SCN4A: variants seen among roughly 807,000 people sequenced by gnomAD.
SCN4A encodes sodium voltage-gated channel alpha subunit 4.
A neutral mutation model predicts 162.0 loss-of-function variants in SCN4A; 83 were observed. That is an observed-to-expected ratio of 0.51 (90% CI 0.43 to 0.61). The LOEUF is 0.61. Among genes scored for constraint, SCN4A ranks in the 20% least tolerant of loss-of-function variants. The pLI, the probability that SCN4A is intolerant of heterozygous loss-of-function variation, is 0.00. For synonymous variants in SCN4A, 944 were observed against 985.1 expected, an observed-to-expected ratio of 0.96 and a Z score of 0.78; for missense variants, 2,196 against 2,462.5, an observed-to-expected ratio of 0.89 and a Z score of 2.29.
intron 14 of SCN4A, 30 bp from the exon 15 acceptor site, chr17:63,949,558 T>C: frequency 6.3e-7 from 1 of 1,576,186 alleles, no homozygotes; most frequent in East Asian, 2.3e-5. Context: ...ACATGACATC[T>C]GGGTCCCTGA....
chr17:63,966,346 C>A, intron 7 of SCN4A, 103 bp from the exon 8 acceptor site: 2 of 1,434,834 alleles, frequency 1.4e-6, no homozygotes, highest in East Asian at 2.4e-5. Flanking sequence ...GCCTGTGTCC[C>A]CCAAACAGAA....
rs142447231 is a variant in SCN4A at position 63,946,313 on chromosome 17, G to A, written c.3442-675C>T. On this transcript the variant is annotated intron_variant, in intron 18 of 23. Coordinates refer to ENST00000435607, the MANE Select transcript of SCN4A (RefSeq NM_000334.4). ...GGCTCCCTGGCTCTGGGGGGTCAGA[G>A]GGCCCAGCATTCGGCTGGCCTCTTG... Among the ~76,000 whole-genome samples the A allele has an allele frequency of 2.0e-4, 31 of 152,280 alleles. 1 individual carries two copies. The Middle Eastern group carries it at 0.01, about 50-fold the overall frequency.
Position 63,942,901 on chromosome 17 carries a change from G to T in SCN4A, c.4213C>A (p.Leu1405Ile). The change falls in exon 23 of 24, where the codon CTC becomes ATC. Residue 1405 changes from leucine to isoleucine, a missense_variant. By Grantham distance (5) the Leu-to-Ile change is conservative. Transcript: ENST00000435607. ...GTGAAGTAGTACTGGCGCAGGGCGA[G>T]CATCTTGAGCACGCACTCCCCTGTG... ...IFTGECVLKM[L>I]ALRQYYFTVG... 1 of 1,614,036 alleles carries T rather than the reference G, an allele frequency of 6.2e-7. No homozygotes were observed. The highest frequency in any genetic ancestry group is 8.5e-7 in the Non-Finnish European group (1 of 1,179,878).
intron 3 of SCN4A, 84 bp from the exon 4 acceptor site, chr17:63,971,934 A>T: frequency 6.9e-7 from 1 of 1,458,098 alleles, no homozygotes; most frequent in Non-Finnish European, 9.6e-7. Flanking sequence ...GAAGGGAGGG[A>T]CACAGAAATG....
At position 63,972,607 on chromosome 17, in the gene SCN4A, G is replaced by T. The variant is rs376505442; in HGVS notation, c.235C>A (p.Pro79Thr). The T allele has an allele frequency of 1.9e-6, 3 of 1,602,614 alleles. No individual in the cohort carries two copies. Among genetic ancestry groups the T allele is most frequent in the Admixed American group, 1.7e-5 (1 of 57,570 alleles). Residue 79 changes from proline (P) to threonine (T), a missense_variant, in exon 1 of 24, where the codon CCC becomes ACC. Transcript: ENST00000435607. The surrounding 1 kb of genome is among the most constrained non-coding windows in gnomAD (Gnocchi z 4.3). Reference protein sequence around the residue: ...GDPPPEVIGIPLEDLDPYYSN... With the variant: ...GDPPPEVIGITLEDLDPYYSN... ...TAGTAGGGATCCAGGTCCTCCAGGG[G>T]GATGCCGATGACCTCCGGCGGGGGG...
intron 10 of SCN4A, 101 bp downstream of exon 10, chr17:63,963,571 G>T: frequency 7.7e-7 from 1 of 1,302,566 alleles, no homozygotes; most frequent in Non-Finnish European, 1.0e-6. Context: ...GGGTAGAGGG[G>T]GCACAGGGCA....
intron 13 of SCN4A, among the ~76,000 whole-genome samples, chr17:63,953,013 C>T (rs961966858): frequency 6.6e-6 from 1 of 152,184 alleles, no homozygotes; most frequent in Admixed American, 6.5e-5. Context: ...TCAGTTTCCT[C>T]ATCTGTAAAA....
intron 18 of SCN4A, among the ~76,000 whole-genome samples, chr17:63,946,785 C>G (rs1908738560): frequency 6.6e-6 from 1 of 152,148 alleles, no homozygotes; most frequent in Non-Finnish European, 1.5e-5. Flanking sequence ...AGTCTCTGCT[C>G]CCCTCAAGTA....
intron 18 of SCN4A, among the ~76,000 whole-genome samples, chr17:63,946,461 T>TC (rs1908720895): frequency 2.6e-5 from 3 of 113,688 alleles, no homozygotes; most frequent in African/African-American, 9.6e-5. Flanking sequence ...CCATTTTTCT[T>TC]GCCCCCCCCC....
rs1199222144 is a variant in SCN4A at position 63,941,910 on chromosome 17, C to A, written c.4372G>T (p.Val1458Phe). 2 of 1,612,082 alleles carry A rather than the reference C, an allele frequency of 1.2e-6. No individual in the cohort carries two copies. Among genetic ancestry groups the A allele is most frequent in the Non-Finnish European group, 1.7e-6 (2 of 1,178,284 alleles). ...RVIRLARIGR[V>F]LRLIRGAKGI... The stretch of plus-strand genomic sequence containing the variant: ...TTGGCCCCGCGGATCAGCCGCAGGA[C>A]ACGCCCAATCCGCGCCAGGCGGATC... The change falls in exon 24 of 24, where the codon GTC (valine) becomes TTC (phenylalanine). Residue 1458 changes from valine to phenylalanine, a missense_variant. Transcript: ENST00000435607. This position sits in a 1 kb window ranked among gnomAD's most constrained non-coding sequence, Gnocchi z 6.2.
In SCN4A at chr17:63,944,918, G is replaced by A; in HGVS notation, c.3774+89C>T. On this transcript the variant is annotated intron_variant, in intron 20 of 23. Coordinates refer to ENST00000435607, the MANE Select transcript of SCN4A (RefSeq NM_000334.4). This position sits in a 1 kb window ranked among gnomAD's most constrained non-coding sequence, Gnocchi z 4.3. ...CCACCCCCAGGGCTGCCAAGTCTCG[G>A]GGACAGAACGTGCTGCCAAGTCTCC... The A allele has an allele frequency of 6.3e-7, 1 of 1,590,312 alleles. No homozygotes were observed. Among genetic ancestry groups the A allele is most frequent in the South Asian group, 1.1e-5 (1 of 88,984 alleles).
chr17:63,970,617 C>A (rs1296747323), intron 5 of SCN4A, among the ~76,000 whole-genome samples: 1 of 152,006 alleles, frequency 6.6e-6, no homozygotes, highest in African/African-American at 2.4e-5. Flanking sequence ...GAGAGCATAA[C>A]CAGGCCCAGC....
At position 63,957,469 on chromosome 17, in the gene SCN4A, A is replaced by G. The variant is rs1909107074; in HGVS notation, c.2069T>C (p.Ile690Thr). ...CCCCACTGAATTGCCAATGATCTTG[A>G]TGAGCATGTTCAGCGTTGGCCACGA... ...AKSWPTLNMLIKIIGNSVGAL... is the reference protein window; with the variant it reads ...AKSWPTLNMLTKIIGNSVGAL... Residue 690 changes from isoleucine (I) to threonine (T), a missense_variant, in exon 13 of 24, where the codon ATC (isoleucine) becomes ACC (threonine). Ile to Thr is a moderately conservative substitution (Grantham distance 89). Coordinates refer to ENST00000435607, the MANE Select transcript of SCN4A (RefSeq NM_000334.4). The G allele has an allele frequency of 6.2e-7, 1 of 1,613,984 alleles. No individual in the cohort carries two copies. The highest frequency in any genetic ancestry group is 2.2e-5 in the East Asian group (1 of 44,880).
At chr17:63,955,990 C>T (rs2144791720) in intron 13 of SCN4A, among the ~76,000 whole-genome samples, 1 of 152,340 alleles carries the variant, frequency 6.6e-6, no homozygotes, top group South Asian at 2.1e-4. Context: ...CAGGGGGCAG[C>T]TGGGCACAGC....
At chr17:63,942,680 T>G in intron 23 of SCN4A, 146 bp downstream of exon 23, 1 of 812,348 alleles carries the variant, frequency 1.2e-6, no homozygotes, top group Non-Finnish European at 1.9e-6. Flanking sequence ...TGTGCCTTTG[T>G]GCATTGAGAG....
chr17:63,951,976 G>C lies in SCN4A; in HGVS notation c.2377-76C>G, dbSNP rs894447305. 1.1e-4 allele frequency: 98 copies of C among 867,366 alleles called. No individual in the cohort carries two copies. Among genetic ancestry groups the C allele is most frequent in the Non-Finnish European group, 1.6e-4 (90 of 576,156 alleles). The allele number at this position is 867,366 out of a possible 1,614,324, so 53.7% of individuals were successfully genotyped here. A position where few individuals can be genotyped will look rare whatever the true frequency, so the allele number is the denominator to read the frequency against. ...GGTGCCACCTTCAGCCAGCACAGGG[G>C]TCCTCGGTCTACAGATCCAAACTAC... On this transcript the variant is annotated intron_variant, in intron 13 of 23. Coordinates refer to ENST00000435607, the MANE Select transcript of SCN4A (RefSeq NM_000334.4). This position sits in a 1 kb window ranked among gnomAD's most constrained non-coding sequence, Gnocchi z 4.5.
chr17:63,945,219 C>G lies in SCN4A; in HGVS notation c.3720+141G>C. 1 of 999,042 alleles carries G rather than the reference C, an allele frequency of 1.0e-6. No individual in the cohort carries two copies. The highest frequency in any genetic ancestry group is 2.2e-5 in the Admixed American group (1 of 44,684). 61.9% of individuals were successfully genotyped at this position (999,042 alleles called of 1,614,324 possible). On this transcript the variant is annotated intron_variant, in intron 19 of 23. Transcript: ENST00000435607. The surrounding 1 kb of genome is among the most constrained non-coding windows in gnomAD (Gnocchi z 4.4). The stretch of plus-strand genomic sequence containing the variant: ...AATAAAGACCAGAGAGGTCTAGACA[C>G]TGCCTGGGGATCCCACAGCATTGGA...
Position 63,963,758 on chromosome 17 carries a change from T to C in SCN4A, c.1520A>G (p.Asn507Ser), listed in dbSNP as rs201793080. The C allele has an allele frequency of 1.0e-4, 168 of 1,609,484 alleles. No homozygotes were observed. In the African/African-American group the frequency reaches 1.7e-3, roughly 16 times the overall value. The stretch of plus-strand genomic sequence containing the variant: ...CCCTTGCGATGTGTCCAGGCTGCCA[T>C]TGCAGTCTTTGCCATGGGCTGGGTC... ...DGDPAHGKDCNGSLDTSQGEK... is the reference protein window; with the variant it reads ...DGDPAHGKDCSGSLDTSQGEK... Residue 507 changes from asparagine (N) to serine (S), a missense_variant, in exon 10 of 24, where the codon AAT becomes AGT. Coordinates refer to ENST00000435607, the MANE Select transcript of SCN4A (RefSeq NM_000334.4).
Position 63,957,400 on chromosome 17 carries a change from A to G in SCN4A, c.2138T>C (p.Ile713Thr). ...LTLVLAIIVF[I>T]FAVVGMQLFG... ...CAGCTGCATGCCCACCACGGCGAAG[A>G]TGAACACGATGATAGCCAGCACCAG... The change falls in exon 13 of 24, where the codon ATC becomes ACC. Residue 713 changes from isoleucine to threonine, a missense_variant. Physicochemically the swap from Ile to Thr is moderately conservative, Grantham distance 89. Transcript: ENST00000435607. 6.2e-7 allele frequency: 1 copy of G among 1,614,110 alleles called. No homozygotes were observed. Among genetic ancestry groups the G allele is most frequent in the Non-Finnish European group, 8.5e-7 (1 of 1,179,956 alleles).
Sources: allele counts gnomAD v4.1 joint callset (sites outside exome capture counted in the v4.1 genomes callset), GRCh38; gene constraint gnomAD v4.1.1; non-coding constraint Gnocchi (gnomAD v3.1); transcripts MANE v1.5; gene names NCBI Gene and HGNC (gene_info 2026-07-23, HGNC 2026-07-21).